Variants in PAK5 observed in about 807,000 individuals in gnomAD.
The protein encoded by PAK5 is serine/threonine-protein kinase PAK 5.
PAK5 carries 16 observed loss-of-function variants against 65.9 expected under a neutral mutation model. The ratio of observed to expected loss-of-function variants is 0.24; its 90% CI spans 0.16 to 0.37. PAK5 has a LOEUF of 0.37. Among genes scored for constraint, PAK5 ranks in the 10% least tolerant of loss-of-function variants. The probability of loss-of-function intolerance (pLI) is 1.00; values close to 1 mark genes in which losing one functional copy is unlikely to be tolerated. For synonymous variants in PAK5, 371 were observed against 354.9 expected (o/e 1.05, Z -0.51); for missense variants, 785 against 903.9 (o/e 0.87, Z 1.69).
At chr20:9,708,759 G>A (rs1416939522) in intron 2 of PAK5, among the ~76,000 whole-genome samples, 2 of 152,050 alleles carry the variant, frequency 1.3e-5, no homozygotes, top group Non-Finnish European at 2.9e-5. Context: ...TCCACCTAAG[G>A]GAGCAGCCCT....
chr20:9,549,657 T>C (rs532601104), intron 7 of PAK5, among the ~76,000 whole-genome samples: 2 of 152,296 alleles, frequency 1.3e-5, no homozygotes, highest in African/African-American at 4.8e-5. Context: ...AGAGGAAAAA[T>C]TGAACTAAAC....
intron 4 of PAK5, among the ~76,000 whole-genome samples, chr20:9,575,136 C>T (rs181817318): frequency 2.6e-5 from 4 of 152,334 alleles, no homozygotes; most frequent in African/African-American, 9.6e-5. Context: ...ACACATTGAA[C>T]TGTTGACCCC....
chr20:9,793,038 C>T (rs1007653910), intron 1 of PAK5, among the ~76,000 whole-genome samples: 5 of 152,074 alleles, frequency 3.3e-5, no homozygotes, highest in African/African-American at 1.2e-4. Context: ...TAACTGATAG[C>T]GACTCATCAA....
rs201344825 is a variant in PAK5 at position 9,580,403 on chromosome 20, C to A, written c.732G>T (p.Gly244=). ...TGTACGCCAGGCTCTCCTTGGAGCACCCGCTGGTCCCTGCAGTTCTAGAAG... is the reference window on the plus strand; with the variant it reads ...TGTACGCCAGGCTCTCCTTGGAGCAACCGCTGGTCCCTGCAGTTCTAGAAG... The part of the protein sequence containing the change: ...FTPSRTAGTS[G]CSKESLAYSE... Residue 244 remains glycine, a synonymous_variant, in exon 4 of 10, where the codon GGG becomes GGT. Transcript: ENST00000353224. 4 of 1,614,078 alleles carry A rather than the reference C, an allele frequency of 2.5e-6. No individual in the cohort carries two copies. The Admixed American group carries it at 6.7e-5, about 27-fold the overall frequency.
chr20:9,556,655 T>C (rs1316266102), intron 7 of PAK5, among the ~76,000 whole-genome samples: 1 of 152,214 alleles, frequency 6.6e-6, no homozygotes, highest in Admixed American at 6.5e-5. Flanking sequence ...AACTGGTTAT[T>C]TCCTTGGCTG....
At chr20:9,724,202 G>A (rs2048249980) in intron 1 of PAK5, among the ~76,000 whole-genome samples, 1 of 152,112 alleles carries the variant, frequency 6.6e-6, no homozygotes, top group South Asian at 2.1e-4. Context: ...TTTTTAATTT[G>A]TAGTTTACGG....
intron 1 of PAK5, among the ~76,000 whole-genome samples, chr20:9,823,315 A>G (rs890860772): frequency 2.6e-5 from 4 of 152,124 alleles, no homozygotes; most frequent in African/African-American, 9.7e-5. Context: ...TTTAAAAACT[A>G]CCCAGTCTAA....
intron 3 of PAK5, among the ~76,000 whole-genome samples, chr20:9,612,813 A>T (rs1413564588): frequency 6.6e-6 from 1 of 151,984 alleles, no homozygotes; most frequent in Non-Finnish European, 1.5e-5. Context: ...GGACCACCCC[A>T]TTACCCTGTC....
chr20:9,660,522 A>AT (rs1305867325), intron 2 of PAK5, among the ~76,000 whole-genome samples: 1 of 151,940 alleles, frequency 6.6e-6, no homozygotes, highest in East Asian at 2.0e-4. Flanking sequence ...AAATAGGAAA[A>AT]TTACGTAGTA....
At chr20:9,627,727 A>G (rs1000892234) in intron 3 of PAK5, among the ~76,000 whole-genome samples, 1 of 152,018 alleles carries the variant, frequency 6.6e-6, no homozygotes, top group African/African-American at 2.4e-5. Flanking sequence ...CCTGGGTTCA[A>G]GTGATTCTCC....
At chr20:9,707,515 T>G (rs886149114) in intron 2 of PAK5, among the ~76,000 whole-genome samples, 3 of 152,220 alleles carry the variant, frequency 2.0e-5, no homozygotes, top group African/African-American at 7.2e-5. Flanking sequence ...ATCTAGTTCT[T>G]CTTTTTCCTT....
At chr20:9,682,947 T>G (rs1306165728) in intron 2 of PAK5, among the ~76,000 whole-genome samples, 1 of 152,212 alleles carries the variant, frequency 6.6e-6, no homozygotes, top group Non-Finnish European at 1.5e-5. Flanking sequence ...AGCTGTAGGA[T>G]TTACTCTAAC....
At position 9,754,715 on chromosome 20, in the gene PAK5, G is replaced by A. The variant is rs558470145; in HGVS notation, c.-161-43280C>T. On this transcript the variant is annotated intron_variant, in intron 1 of 9. Coordinates refer to ENST00000353224, the MANE Select transcript of PAK5 (RefSeq NM_177990.4). Reference sequence around the variant, plus strand: ...TGTTTCAGAAAAGCATTGTTATCATGTTTCTTTCAAAGTTAGACTATAAAC... The same window carrying A: ...TGTTTCAGAAAAGCATTGTTATCATATTTCTTTCAAAGTTAGACTATAAAC... 4.6e-5 allele frequency among the ~76,000 whole-genome samples: 7 copies of A among 152,292 alleles called. 1 individual carries two copies. In the South Asian group the frequency reaches 1.2e-3, roughly 27 times the overall value.
chr20:9,546,168 C>A, intron 7 of PAK5, among the ~76,000 whole-genome samples: 1 of 152,062 alleles, frequency 6.6e-6, no homozygotes, highest in East Asian at 1.9e-4. Flanking sequence ...AAACATATAG[C>A]AAAGCTGAAA....
At chr20:9,769,934 A>G (rs2048814257) in intron 1 of PAK5, among the ~76,000 whole-genome samples, 1 of 152,204 alleles carries the variant, frequency 6.6e-6, no homozygotes, top group Non-Finnish European at 1.5e-5. Flanking sequence ...GAACTAGGAG[A>G]ATGTGTGATG....
rs557814212 is a variant in PAK5, at chr20:9,736,955, A to G, written c.-161-25520T>C. Among the ~76,000 whole-genome samples, 3 of 152,184 alleles carry G rather than the reference A, an allele frequency of 2.0e-5. No individual in the cohort carries two copies. In the South Asian group the frequency reaches 6.2e-4, roughly 32 times the overall value. On this transcript the variant is annotated intron_variant, in intron 1 of 9. Coordinates refer to ENST00000353224, the MANE Select transcript of PAK5 (RefSeq NM_177990.4). ...CAGAGAAAAATAAAGTTGCCATCAG[A>G]TTTCTTATTAGAAACAGTGCAAATA... is the stretch of plus-strand genomic sequence containing the variant.
intron 4 of PAK5, chr20:9,577,482 T>C (rs1295033782): frequency 6.6e-6 from 1 of 152,010 alleles, no homozygotes; most frequent in Non-Finnish European, 1.5e-5. Context: ...CTTCCTTTTA[T>C]TACTGGAGAT....
At chr20:9,647,456 A>C (rs1175391442) in intron 2 of PAK5, among the ~76,000 whole-genome samples, 1 of 152,216 alleles carries the variant, frequency 6.6e-6, no homozygotes, top group Non-Finnish European at 1.5e-5. Context: ...CTGTATTCAT[A>C]CCTGAACAAG....
At chr20:9,823,403 T>C (rs1483031498) in intron 1 of PAK5, among the ~76,000 whole-genome samples, 3 of 152,238 alleles carry the variant, frequency 2.0e-5, no homozygotes, top group Non-Finnish European at 4.4e-5. Context: ...AATCTCACCT[T>C]GAATTATAAT....
Sources: gnomAD v4.1 joint callset for allele counts (sites outside exome capture counted in the v4.1 genomes callset) on GRCh38, gnomAD v4.1.1 for gene constraint, MANE v1.5 for transcripts, NCBI Gene and HGNC (gene_info 2026-07-23, HGNC 2026-07-21) for gene names.